The following PIK3C2G variants were observed in gnomAD, a reference collection of about 807,000 sequenced individuals.
PIK3C2G encodes phosphatidylinositol 3-kinase C2 domain-containing subunit gamma.
PIK3C2G carries 168 observed loss-of-function variants against 181.1 expected under a neutral mutation model. The observed-to-expected ratio is 0.93, with a 90% CI of 0.82 to 1.05. The LOEUF (loss-of-function observed/expected upper bound fraction) is 1.05. Among genes scored for constraint, PIK3C2G ranks in the 50% least tolerant of loss-of-function variants. The pLI, the probability that PIK3C2G is intolerant of heterozygous loss-of-function variation, is 0.00. For missense variants in PIK3C2G, 1,869 were observed against 1,732.8 expected (o/e 1.08, Z -1.40); for synonymous variants, 573 against 592.2 (o/e 0.97, Z 0.47).
intron 19 of PIK3C2G, among the ~76,000 whole-genome samples, chr12:18,491,196 T>A (rs1465299354): frequency 2.0e-5 from 3 of 152,152 alleles, no homozygotes. Context: ...TTGTTTGGTT[T>A]TTATTTTTAG....
chr12:18,465,675 T>C (rs920572958), intron 18 of PIK3C2G, among the ~76,000 whole-genome samples: 1 of 151,854 alleles, frequency 6.6e-6, no homozygotes, highest in African/African-American at 2.4e-5. Context: ...ATTCTACTTG[T>C]TTCTTTTTGG....
At chr12:18,670,327 A>G in the PIK3C2G span, among the ~76,000 whole-genome samples, 1 of 152,220 alleles carries the variant, frequency 6.6e-6, no homozygotes, top group South Asian at 2.1e-4. Flanking sequence ...CAGAAAGGAC[A>G]CTGCCAAAAA....
rs746276290 is a variant in PIK3C2G, at chr12:18,282,649, G to A, written c.568G>A (p.Glu190Lys). 7 of 1,613,404 alleles carry A rather than the reference G, an allele frequency of 4.3e-6. No individual in the cohort carries two copies. In the African/African-American group the frequency reaches 8.0e-5, roughly 18 times the overall value. Residue 190 changes from glutamate (E) to lysine (K), a missense_variant, in exon 2 of 33, where the codon GAA (glutamate) becomes AAA (lysine). By Grantham distance (56) the Glu-to-Lys change is moderately conservative. Transcript: ENST00000538779. ...SSFSSDFMPK[E>K]ENKRSGHVNI... is the part of the protein sequence containing the mutation. ...CTTCTCAAGTGACTTCATGCCGAAA[G>A]AAGAGAATAAAAGGAGTGGACATGT...
In PIK3C2G at chr12:18,535,013, C is replaced by A. The variant is rs141268497; in HGVS notation, c.3324-3143C>A. ...ATTCAAAATATAATCACAGTATAGA[C>A]CATGAGAGATCAAATTTAGAATATT... On this transcript the variant is annotated intron_variant, in intron 24 of 32. Coordinates refer to ENST00000538779, the MANE Select transcript of PIK3C2G (RefSeq NM_001288772.2). Among the ~76,000 whole-genome samples the A allele has an allele frequency of 5.1e-3, 776 of 151,972 alleles. 8 individuals are homozygous for A. The highest frequency in any genetic ancestry group is 0.018 in the African/African-American group (735 of 41,492).
Position 18,391,207 on chromosome 12 carries a change from G to A in PIK3C2G, c.2081G>A (p.Cys694Tyr), listed in dbSNP as rs966839683. 1 of 1,606,504 alleles carries A rather than the reference G, an allele frequency of 6.2e-7. No homozygotes were observed. The change falls in exon 15 of 33, where the codon TGT becomes TAT. Residue 694 changes from cysteine (C) to tyrosine (Y), a missense_variant. Transcript: ENST00000538779. Reference protein sequence around the residue: ...RSNLEEPLKECIKHIARLSQK... With the variant: ...RSNLEEPLKEYIKHIARLSQK... ...AATCTTGAAGAGCCACTAAAGGAGT[G>A]TATAAAACATATTGCCAGACTTTCA... is the stretch of plus-strand genomic sequence containing the variant.
intron 30 of PIK3C2G, chr12:18,607,099 C>T (rs1948069232): frequency 4.3e-6 from 2 of 468,618 alleles, no homozygotes; most frequent in Non-Finnish European, 8.5e-6. Context: ...TGTAACATTT[C>T]ACGATAAGGG....
intron 31 of PIK3C2G, among the ~76,000 whole-genome samples, chr12:18,632,509 C>T (rs912791213): frequency 3.9e-5 from 6 of 152,126 alleles, no homozygotes; most frequent in Non-Finnish European, 8.8e-5. Flanking sequence ...TGGATACAGA[C>T]ATAGTCATAA....
chr12:18,556,814 G>A (rs1292560323), intron 26 of PIK3C2G, among the ~76,000 whole-genome samples: 1 of 152,090 alleles, frequency 6.6e-6, no homozygotes, highest in Non-Finnish European at 1.5e-5. Flanking sequence ...TGAACACTGG[G>A]ATGAATAATG....
chr12:18,628,599 A>G (rs1335579384), intron 31 of PIK3C2G, among the ~76,000 whole-genome samples: 1 of 152,236 alleles, frequency 6.6e-6, no homozygotes, highest in Non-Finnish European at 1.5e-5. Flanking sequence ...ACTAATATGC[A>G]TCATAGATTT....
intron 22 of PIK3C2G, among the ~76,000 whole-genome samples, chr12:18,501,254 CTT>C (rs1941456799): frequency 6.6e-6 from 1 of 152,202 alleles, no homozygotes; most frequent in Admixed American, 6.5e-5. Flanking sequence ...CCTCAGGAAA[CTT>C]ATATTCATGG....
At chr12:18,656,846 A>G in the PIK3C2G span, among the ~76,000 whole-genome samples, 2 of 152,174 alleles carry the variant, frequency 1.3e-5, no homozygotes, top group African/African-American at 4.8e-5. Context: ...TGCAACAACA[A>G]AATGAATGCT....
intron 4 of PIK3C2G, among the ~76,000 whole-genome samples, chr12:18,293,457 A>G (rs1949797970): frequency 6.6e-6 from 1 of 152,166 alleles, no homozygotes; most frequent in Admixed American, 6.6e-5. Context: ...TTAATTCAGA[A>G]TCTTTTATCT....
At chr12:18,296,131 C>T (rs1949930206) in intron 5 of PIK3C2G, among the ~76,000 whole-genome samples, 1 of 152,004 alleles carries the variant, frequency 6.6e-6, no homozygotes, top group Admixed American at 6.6e-5. Flanking sequence ...AAACATAGCA[C>T]TGTTATATTG....
At chr12:18,406,048 A>G (rs1202983812) in intron 16 of PIK3C2G, among the ~76,000 whole-genome samples, 1 of 152,084 alleles carries the variant, frequency 6.6e-6, no homozygotes, top group Non-Finnish European at 1.5e-5. Flanking sequence ...TCCTCTCCCC[A>G]AAGCCTCTGG....
At chr12:18,490,098 T>C (rs1940417351) in intron 19 of PIK3C2G, among the ~76,000 whole-genome samples, 1 of 152,118 alleles carries the variant, frequency 6.6e-6, no homozygotes, top group Non-Finnish European at 1.5e-5. Flanking sequence ...AAGCACTAAT[T>C]AAGCATAACT....
chr12:18,720,280 A>G, the PIK3C2G span, among the ~76,000 whole-genome samples: 3 of 151,844 alleles, frequency 2.0e-5, no homozygotes, highest in African/African-American at 4.8e-5. Context: ...AGGCATTTAG[A>G]TAATTTCCTG....
At chr12:18,261,661 G>C (rs957840367) in intron 1 of PIK3C2G, 84 bp downstream of exon 1, 15 of 152,244 alleles carry the variant, frequency 9.9e-5, no homozygotes, top group African/African-American at 3.6e-4. Context: ...AGGCAAAATA[G>C]CTCTTTAATT....
At chr12:18,566,772 C>G (rs1045160099) in intron 28 of PIK3C2G, among the ~76,000 whole-genome samples, 177 bp from the exon 29 acceptor site, 1 of 152,166 alleles carries the variant, frequency 6.6e-6, no homozygotes, top group East Asian at 1.9e-4. Flanking sequence ...ATTAATATGG[C>G]ATGAATGACC....
intron 7 of PIK3C2G, among the ~76,000 whole-genome samples, chr12:18,323,801 T>A (rs1310523321): frequency 6.6e-6 from 1 of 152,180 alleles, no homozygotes; most frequent in Non-Finnish European, 1.5e-5. Flanking sequence ...TCTTAGAAGT[T>A]GAGCAAATCA....
Sources: gnomAD v4.1 joint callset for allele counts (sites outside exome capture counted in the v4.1 genomes callset) on GRCh38, gnomAD v4.1.1 for gene constraint, MANE v1.5 for transcripts, NCBI Gene and HGNC (gene_info 2026-07-23, HGNC 2026-07-21) for gene names.